Variants in VEZT observed in about 807,000 individuals in gnomAD.
VEZT encodes the protein vezatin.
A neutral mutation model predicts 79.9 loss-of-function variants in VEZT; 39 were observed. The observed-to-expected ratio is 0.49, with a 90% CI of 0.38 to 0.64. VEZT has a LOEUF of 0.64. Ranked by LOEUF, VEZT falls within the 30% of genes least tolerant of loss-of-function variation. The pLI is 0.00. For missense variants in VEZT, 837 were observed against 893.1 expected (o/e 0.94, Z 0.80); for synonymous variants, 325 against 327.6 (o/e 0.99, Z 0.09).
chr12:95,273,170 T>C (rs1033717823), intron 6 of VEZT, among the ~76,000 whole-genome samples: 1 of 152,168 alleles, frequency 6.6e-6, no homozygotes, highest in Non-Finnish European at 1.5e-5. Context: ...ATGCAAAATA[T>C]GAAACTATTT....
rs748108856 is a variant in VEZT at position 95,217,843 on chromosome 12, G to A, written c.-8G>A. 1.9e-5 allele frequency: 29 copies of A among 1,540,694 alleles called. No individual in the cohort carries two copies. Among genetic ancestry groups the A allele is most frequent in the Non-Finnish European group, 2.3e-5 (27 of 1,149,038 alleles). ...ATCGTGCTGAGGCGGGTGGCATGGCGGAGAAGGATGACACCGGAGTTTGAC... is the reference window on the plus strand; with the variant it reads ...ATCGTGCTGAGGCGGGTGGCATGGCAGAGAAGGATGACACCGGAGTTTGAC... On this transcript the variant is annotated 5_prime_UTR_variant, in exon 1 of 12. Coordinates refer to ENST00000436874, the MANE Select transcript of VEZT (RefSeq NM_017599.4).
In VEZT at chr12:95,296,240, C is replaced by A. The variant is rs577084386; in HGVS notation, c.1813C>A (p.Leu605Ile). Residue 605 changes from leucine (L) to isoleucine (I), a missense_variant, in exon 11 of 12, where the codon CTT (leucine) becomes ATT (isoleucine). Physicochemically the swap from Leu to Ile is conservative, Grantham distance 5. Transcript: ENST00000436874. ...GGCAGAAAGGCAGAAGTGGAAGCAA[C>A]TTCTATTTAGTGATCATGGTAAGCA... ...SEAERQKWKQ[L>I]LFSDHAVLKS... The A allele has an allele frequency of 4.9e-5, 78 of 1,583,254 alleles. No homozygotes were observed. Among genetic ancestry groups the A allele is most frequent in the Non-Finnish European group, 6.3e-5 (73 of 1,163,856 alleles).
chr12:95,299,835 A>T, intron 11 of VEZT: 1 of 160,474 alleles, frequency 6.2e-6, no homozygotes, highest in Non-Finnish European at 1.4e-5. Context: ...AAGAATTTGC[A>T]TTTTTAACAA....
chr12:95,229,942 T>C (rs1015138945), intron 1 of VEZT, among the ~76,000 whole-genome samples: 1 of 151,946 alleles, frequency 6.6e-6, no homozygotes, highest in Admixed American at 6.6e-5. Flanking sequence ...ATGCAAAAAT[T>C]AGCAGGCTGT....
chr12:95,276,166 C>T (rs1465200472), intron 7 of VEZT, among the ~76,000 whole-genome samples: 2 of 151,322 alleles, frequency 1.3e-5, no homozygotes, highest in Non-Finnish European at 2.9e-5. Flanking sequence ...AGAAAGTAAC[C>T]AAAGATATAC....
intron 2 of VEZT, among the ~76,000 whole-genome samples, chr12:95,253,040 G>A (rs1283541771): frequency 2.0e-5 from 3 of 152,154 alleles, no homozygotes; most frequent in African/African-American, 7.2e-5. Context: ...ATTATCATAG[G>A]TTACTTAGCT....
intron 1 of VEZT, among the ~76,000 whole-genome samples, chr12:95,235,407 G>C (rs1237915453): frequency 7.6e-6 from 1 of 131,034 alleles, no homozygotes; most frequent in African/African-American, 3.0e-5. Context: ...GGCTGGCTGG[G>C]CGGGAGGCTG....
At chr12:95,219,499 AC>A (rs1255841589) in intron 1 of VEZT, among the ~76,000 whole-genome samples, 3 of 152,200 alleles carry the variant, frequency 2.0e-5, no homozygotes, top group Non-Finnish European at 2.9e-5. Flanking sequence ...TATATTTTTC[AC>A]TTGACTTTAT....
At chr12:95,244,527 A>G (rs2061467915) in intron 1 of VEZT, among the ~76,000 whole-genome samples, 1 of 152,036 alleles carries the variant, frequency 6.6e-6, no homozygotes, top group Non-Finnish European at 1.5e-5. Context: ...GCAGAATCCA[A>G]AACAAGTCCC....
chr12:95,256,620 A>G, intron 2 of VEZT: 1 of 1,288,298 alleles, frequency 7.8e-7, no homozygotes, highest in Non-Finnish European at 1.0e-6. Flanking sequence ...ATGGGCTATT[A>G]AGGTAAATTG....
intron 1 of VEZT, among the ~76,000 whole-genome samples, chr12:95,241,676 G>T (rs1475991071): frequency 6.6e-6 from 1 of 152,200 alleles, no homozygotes; most frequent in African/African-American, 2.4e-5. Flanking sequence ...GAGTTGTGCA[G>T]TGATGATTTA....
Position 95,274,848 on chromosome 12 carries a change from G to A in VEZT, c.955G>A (p.Ala319Thr). 1.2e-6 allele frequency: 2 copies of A among 1,613,790 alleles called. No individual in the cohort carries two copies. Among genetic ancestry groups the A allele is most frequent in the Admixed American group, 1.7e-5 (1 of 60,006 alleles). ...TGAAGAGCAGATTTCAGAAGAGGAA[G>A]CACATAACTTTACAGATGGCTTCAG... is the stretch of plus-strand genomic sequence containing the variant. Reference protein sequence around the residue: ...LSEEQISEEEAHNFTDGFSLP... With the variant: ...LSEEQISEEETHNFTDGFSLP... The change falls in exon 7 of 12, where the codon GCA becomes ACA. Residue 319 changes from alanine to threonine, a missense_variant. Physicochemically the swap from Ala to Thr is moderately conservative, Grantham distance 58. Coordinates refer to ENST00000436874, the MANE Select transcript of VEZT (RefSeq NM_017599.4).
Position 95,300,607 on chromosome 12 carries a change from G to A in VEZT, c.2274G>A (p.Gln758=). The A allele has an allele frequency of 2.5e-6, 4 of 1,610,498 alleles. No homozygotes were observed. The highest frequency in any genetic ancestry group is 3.4e-6 in the Non-Finnish European group (4 of 1,177,978). The change falls in exon 12 of 12, where the codon CAG becomes CAA. Residue 758 remains glutamine (Q), a synonymous_variant. Transcript: ENST00000436874. ...TCTCCTTTACCACCATGCAGGAACA[G>A]ACTTTTGGTGGTGAGGAGGAAGAAC... is the stretch of plus-strand genomic sequence containing the variant. ...RSLSFTTMQE[Q]TFGGEEEEQI... is the part of the protein sequence containing the mutation.
chr12:95,234,016 C>T (rs188092570), intron 1 of VEZT, among the ~76,000 whole-genome samples: 2 of 152,124 alleles, frequency 1.3e-5, no homozygotes, highest in Non-Finnish European at 2.9e-5. Flanking sequence ...TGTATTCCAA[C>T]GTTGCCAAAA....
At chr12:95,266,670 T>A in intron 5 of VEZT, 38 bp downstream of exon 5, 1 of 1,523,026 alleles carries the variant, frequency 6.6e-7, no homozygotes, top group Non-Finnish European at 8.8e-7. Context: ...AAATGATTAT[T>A]TTCTATTCCA....
chr12:95,286,738 A>G (rs1224119441), intron 8 of VEZT: 2 of 329,270 alleles, frequency 6.1e-6, no homozygotes, highest in Non-Finnish European at 1.2e-5. Context: ...TATCTAGTAC[A>G]TTTTCCACCA....
At chr12:95,232,799 G>A (rs901626537) in intron 1 of VEZT, among the ~76,000 whole-genome samples, 2 of 151,918 alleles carry the variant, frequency 1.3e-5, no homozygotes, top group African/African-American at 4.8e-5. Context: ...TTTTTTGTTC[G>A]TTTGTTTTGT....
intron 6 of VEZT, among the ~76,000 whole-genome samples, chr12:95,271,281 C>G (rs2066541105): frequency 6.6e-6 from 1 of 152,062 alleles, no homozygotes; most frequent in African/African-American, 2.4e-5. Flanking sequence ...TCCCCATTGC[C>G]TAAATGCCGG....
intron 9 of VEZT, chr12:95,293,917 C>A: frequency 5.6e-6 from 1 of 178,480 alleles, no homozygotes; most frequent in Non-Finnish European, 1.2e-5. Flanking sequence ...GAGACAGGAT[C>A]TAGCTCTGTT....
Sources: allele counts gnomAD v4.1 joint callset (sites outside exome capture counted in the v4.1 genomes callset), GRCh38; gene constraint gnomAD v4.1.1; transcripts MANE v1.5; gene names NCBI Gene and HGNC (gene_info 2026-07-23, HGNC 2026-07-21).